Variants in KIFC3 observed in about 807,000 individuals in gnomAD.
KIFC3 encodes kinesin-like protein KIFC3.
In KIFC3, 60 loss-of-function variants were observed where a neutral mutation model predicts 101.8. That is an observed-to-expected ratio of 0.59 (90% CI 0.48 to 0.73). The LOEUF is 0.73. Ranked by LOEUF, KIFC3 falls within the 30% of genes least tolerant of loss-of-function variation. KIFC3 has a pLI of 0.00. For synonymous variants in KIFC3, 476 were observed against 482.7 expected (o/e 0.99, Z 0.18); for missense variants, 966 against 1,137.1 (o/e 0.85, Z 2.16).
At chr16:57,764,275 T>TGGGTGGGGGGG in intron 11 of KIFC3, 28 bp from the exon 12 acceptor site, 1 of 539,932 alleles carries the variant, frequency 1.9e-6, no homozygotes. Context: ...GGGAGGCTGG[T>TGGGTGGGGGGG]GGGGGGGCTT....
intron 2 of KIFC3, 160 bp downstream of exon 2, chr16:57,797,912 C>CGCTCCG: frequency 6.7e-7 from 1 of 1,494,044 alleles, no homozygotes; most frequent in Non-Finnish European, 8.9e-7. Flanking sequence ...GCGAGACTGA[C>CGCTCCG]GCTCCGGCTC....
chr16:57,827,623 G>A (rs537855556), intron 1 of KIFC3, among the ~76,000 whole-genome samples: 23 of 152,250 alleles, frequency 1.5e-4, no homozygotes, highest in East Asian at 5.8e-4. Context: ...TCCCATGGCC[G>A]TTTTCTGAGG....
At chr16:57,785,385 G>A in intron 3 of KIFC3, 1 of 850,962 alleles carries the variant, frequency 1.2e-6, no homozygotes, top group Non-Finnish European at 1.5e-6. Flanking sequence ...AGCCTGGTGG[G>A]GTCAGGTGCC....
Position 57,758,339 on chromosome 16 carries a change from G to C in KIFC3, c.*595C>G, listed in dbSNP as rs2049380381. 1 of 274,082 alleles carries C rather than the reference G, an allele frequency of 3.6e-6. No individual in the cohort carries two copies. Among genetic ancestry groups the C allele is most frequent in the Non-Finnish European group, 7.2e-6 (1 of 139,798 alleles). The allele number at this position is 274,082 out of a possible 1,614,324, so 17.0% of individuals were successfully genotyped here. ...AGCGAGCCAGGCAGGTGAGCGAGCAGCAGAATCCCCCACCCGCTGGCTGCC... is the reference window on the plus strand; with the variant it reads ...AGCGAGCCAGGCAGGTGAGCGAGCACCAGAATCCCCCACCCGCTGGCTGCC... On this transcript the variant is annotated 3_prime_UTR_variant, in exon 20 of 20. Transcript: ENST00000445690.
intron 1 of KIFC3, among the ~76,000 whole-genome samples, chr16:57,840,559 G>A (rs777130769): frequency 1.3e-5 from 2 of 151,828 alleles, no homozygotes; most frequent in Non-Finnish European, 2.9e-5. Flanking sequence ...TCGGGAGTTC[G>A]AGACCAGACT....
intron 1 of KIFC3, among the ~76,000 whole-genome samples, chr16:57,809,798 C>T (rs1461103493): frequency 2.0e-5 from 3 of 152,200 alleles, no homozygotes; most frequent in Non-Finnish European, 4.4e-5. Flanking sequence ...ACTTTTCACG[C>T]TAATTTACAG....
In KIFC3 at chr16:57,758,766, G is replaced by GA. The variant is rs2049428036; in HGVS notation, c.*167dup. On this transcript the variant is annotated 3_prime_UTR_variant, in exon 20 of 20. Coordinates refer to ENST00000445690, the MANE Select transcript of KIFC3 (RefSeq NM_001130100.2). The stretch of plus-strand genomic sequence containing the variant: ...CCTTCTGAACATGTTTCTCATCTTT[G>GA]AGGGGAGACGGGGCAGAAGAAGAGC... The GA allele has an allele frequency of 1.9e-6, 2 of 1,066,286 alleles. No individual in the cohort carries two copies. The highest frequency in any genetic ancestry group is 2.9e-6 in the Non-Finnish European group (2 of 692,000). The allele number at this position is 1,066,286 out of a possible 1,614,324, so 66.1% of individuals were successfully genotyped here.
At chr16:57,821,321 A>C (rs1287327450) in intron 1 of KIFC3, among the ~76,000 whole-genome samples, 7 of 152,152 alleles carry the variant, frequency 4.6e-5, no homozygotes, top group African/African-American at 1.7e-4. Flanking sequence ...CTGGAGGAGA[A>C]TGACCAGACC....
intron 3 of KIFC3, among the ~76,000 whole-genome samples, chr16:57,784,482 C>A (rs115549979): frequency 0.012 from 1,782 of 152,326 alleles, 37 homozygotes; most frequent in African/African-American, 0.04. Context: ...TATGCTGCCC[C>A]CAGAACTGAG....
intron 1 of KIFC3, among the ~76,000 whole-genome samples, chr16:57,826,965 C>T (rs988887784): frequency 6.6e-6 from 1 of 152,218 alleles, no homozygotes; most frequent in Non-Finnish European, 1.5e-5. Context: ...ACCCTCCCTG[C>T]AGCTGCTGCC....
intron 3 of KIFC3, among the ~76,000 whole-genome samples, chr16:57,787,791 C>T (rs1212188875): frequency 6.6e-6 from 1 of 152,174 alleles, no homozygotes; most frequent in Non-Finnish European, 1.5e-5. Flanking sequence ...CCCAGACAGG[C>T]CAGAACCCCA....
chr16:57,857,651 G>A (rs2056200169), intron 1 of KIFC3, among the ~76,000 whole-genome samples: 1 of 151,596 alleles, frequency 6.6e-6, no homozygotes, highest in African/African-American at 2.4e-5. Flanking sequence ...TCAGTGTTTG[G>A]TTTTCTGTTC....
chr16:57,797,672 G>A (rs1319816059), intron 2 of KIFC3: 2 of 1,115,496 alleles, frequency 1.8e-6, no homozygotes, highest in Non-Finnish European at 2.2e-6. Context: ...AAGTGTCAGC[G>A]GCGCTTGGTG....
chr16:57,772,316 G>A (rs2051354710), intron 3 of KIFC3, 28 bp from the exon 4 acceptor site: 4 of 1,603,752 alleles, frequency 2.5e-6, no homozygotes, highest in African/African-American at 1.3e-5. Context: ...GGAGCAAGGT[G>A]AGCCTCAGTC....
At chr16:57,838,925 C>G (rs1328060255) in intron 1 of KIFC3, among the ~76,000 whole-genome samples, 1 of 152,152 alleles carries the variant, frequency 6.6e-6, no homozygotes, top group East Asian at 1.9e-4. Flanking sequence ...GATGAAATGG[C>G]CCCTGGGAAA....
chr16:57,835,549 A>G lies in KIFC3; in HGVS notation c.108+27180T>C, dbSNP rs115178847. Among the ~76,000 whole-genome samples the G allele has an allele frequency of 2.0e-3, 307 of 152,312 alleles. 3 individuals are homozygous for G. The highest frequency in any genetic ancestry group is 6.3e-3 in the African/African-American group (263 of 41,554). On this transcript the variant is annotated intron_variant, in intron 1 of 2. Transcript: ENST00000563028. ...TTTTATTAGGTTACAGAACAACCCA[A>G]TGAGGAAAGTACTACTCTTGTCAGC... is the stretch of plus-strand genomic sequence containing the variant.
At chr16:57,799,607 C>T (rs2054590326) in intron 1 of KIFC3, among the ~76,000 whole-genome samples, 1 of 152,186 alleles carries the variant, frequency 6.6e-6, no homozygotes, top group Non-Finnish European at 1.5e-5. Context: ...AAAGCTTGAA[C>T]TGAAGCCTGG....
chr16:57,807,381 C>G (rs117235924), upstream of KIFC3, among the ~76,000 whole-genome samples: 6,558 of 152,190 alleles, frequency 0.043, 238 homozygotes, highest in Non-Finnish European at 0.061. Flanking sequence ...TGGCACAAGG[C>G]TCACAGCTGC....
At chr16:57,802,781 G>A (rs963599950), upstream of KIFC3, 1 of 742,868 alleles carries the variant, frequency 1.3e-6, no homozygotes, top group Non-Finnish European at 2.3e-6. This position sits in a 1 kb window ranked among gnomAD's most constrained non-coding sequence, Gnocchi z 5.0. Context: ...GCCTGCACAC[G>A]GGCTGGCACA....
Sources: gnomAD v4.1 joint callset for allele counts (sites outside exome capture counted in the v4.1 genomes callset) on GRCh38, gnomAD v4.1.1 for gene constraint, Gnocchi (gnomAD v3.1) non-coding constraint, MANE v1.5 for transcripts, NCBI Gene and HGNC (gene_info 2026-07-23, HGNC 2026-07-21) for gene names.